The following CDH13 variants were observed in gnomAD, a reference collection of about 807,000 sequenced individuals.
CDH13 encodes the protein cadherin-13.
A neutral mutation model predicts 63.8 loss-of-function variants in CDH13; 24 were observed. That is an observed-to-expected ratio of 0.38 (90% CI 0.27 to 0.53). CDH13 has a LOEUF of 0.53. Ranked by LOEUF, CDH13 falls within the 20% of genes least tolerant of loss-of-function variation. The pLI, the probability that CDH13 is intolerant of heterozygous loss-of-function variation, is 0.85. For missense variants in CDH13, 1,049 were observed against 903.1 expected (o/e 1.16, Z -2.07); for synonymous variants, 503 against 355.3 (o/e 1.42, Z -4.67).
intron 1 of CDH13, among the ~76,000 whole-genome samples, chr16:82,758,280 G>A (rs567833506): frequency 2.7e-4 from 41 of 152,208 alleles, no homozygotes; most frequent in Admixed American, 8.5e-4. Context: ...AAGTAAGGGT[G>A]ATGAGAATCT....
At chr16:83,253,775 A>G (rs1905877379) in intron 5 of CDH13, among the ~76,000 whole-genome samples, 1 of 152,178 alleles carries the variant, frequency 6.6e-6, no homozygotes, top group Admixed American at 6.5e-5. Flanking sequence ...TTTCACTTAG[A>G]TTTGTCATTA....
chr16:83,747,596 C>G (rs920302364), intron 10 of CDH13, among the ~76,000 whole-genome samples: 3 of 121,086 alleles, frequency 2.5e-5, no homozygotes, highest in African/African-American at 2.6e-5. Context: ...TGTCCTCTCA[C>G]TCTCTGATGA....
chr16:83,503,283 G>A (rs886829734), intron 7 of CDH13, among the ~76,000 whole-genome samples: 3 of 152,172 alleles, frequency 2.0e-5, no homozygotes, highest in Admixed American at 6.5e-5. Context: ...AGACCAAACC[G>A]TAGGTTTCAT....
At chr16:83,000,373 C>G (rs375926847) in intron 2 of CDH13, among the ~76,000 whole-genome samples, 2 of 149,296 alleles carry the variant, frequency 1.3e-5, no homozygotes, top group East Asian at 4.0e-4. Context: ...CTCAGCCTCG[C>G]GAGTAGCTGG....
At chr16:82,747,161 C>G (rs1270777464) in intron 1 of CDH13, among the ~76,000 whole-genome samples, 2 of 152,218 alleles carry the variant, frequency 1.3e-5, no homozygotes, top group East Asian at 3.9e-4. Context: ...TGATGACTGC[C>G]CTGCCCTTAG....
intron 4 of CDH13, among the ~76,000 whole-genome samples, chr16:83,172,626 A>C (rs2037969960): frequency 6.6e-6 from 1 of 152,106 alleles, no homozygotes; most frequent in South Asian, 2.1e-4. Context: ...ACAGGCTTGG[A>C]ACAGATTCCT....
At chr16:82,996,641 A>T (rs1475738216) in intron 2 of CDH13, among the ~76,000 whole-genome samples, 1 of 152,214 alleles carries the variant, frequency 6.6e-6, no homozygotes, top group Non-Finnish European at 1.5e-5. Context: ...CCTTGTAATA[A>T]AAATGAGGTA....
At chr16:83,299,921 A>G (rs1017548199) in intron 5 of CDH13, among the ~76,000 whole-genome samples, 2 of 152,186 alleles carry the variant, frequency 1.3e-5, no homozygotes, top group Admixed American at 1.3e-4. Context: ...CAGGGCTACA[A>G]TCATCCCAAA....
chr16:83,311,832 T>C lies in CDH13; in HGVS notation c.637-33030T>C, dbSNP rs943909404. Among the ~76,000 whole-genome samples the C allele has an allele frequency of 4.6e-5, 7 of 152,254 alleles. 1 individual carries two copies. The South Asian group carries it at 1.2e-3, about 27-fold the overall frequency. On this transcript the variant is annotated intron_variant, in intron 5 of 13. Transcript: ENST00000567109. ...GCTCACGCCTGTAATCCCAGCACTT[T>C]GGGAGGCCAAGGCGGGTGGATCACC...
rs116385129 is a variant in CDH13, at chr16:82,661,051, G to A, written c.45+33914G>A. Among the ~76,000 whole-genome samples the A allele has an allele frequency of 2.8e-3, 431 of 152,300 alleles. 1 individual carries two copies. The highest frequency in any genetic ancestry group is 0.01 in the African/African-American group (416 of 41,568). ...CCACTTCAAAGTGGGTCAGGTCTCCGTGAAGGAAAGGGGCTCTTGAGAGAG... is the reference window on the plus strand; with the variant it reads ...CCACTTCAAAGTGGGTCAGGTCTCCATGAAGGAAAGGGGCTCTTGAGAGAG... On this transcript the variant is annotated intron_variant, in intron 1 of 13. Coordinates refer to ENST00000567109, the MANE Select transcript of CDH13 (RefSeq NM_001257.5).
At chr16:82,864,488 A>C (rs778085182) in intron 2 of CDH13, among the ~76,000 whole-genome samples, 9 of 152,144 alleles carry the variant, frequency 5.9e-5, no homozygotes, top group Non-Finnish European at 1.3e-4. Context: ...CCTTCTTCAG[A>C]AGGTGGCAGG....
At chr16:83,619,116 G>A (rs1019417875) in intron 8 of CDH13, among the ~76,000 whole-genome samples, 5 of 152,284 alleles carry the variant, frequency 3.3e-5, no homozygotes, top group South Asian at 2.1e-4. Context: ...TTATGCTGTC[G>A]CTTTCCAAAG....
At chr16:82,682,421 G>C (rs959889246) in intron 1 of CDH13, among the ~76,000 whole-genome samples, 2 of 152,190 alleles carry the variant, frequency 1.3e-5, no homozygotes, top group African/African-American at 4.8e-5. Context: ...ACCTATTGGA[G>C]GCAGGCACTG....
intron 2 of CDH13, among the ~76,000 whole-genome samples, chr16:82,868,295 C>G (rs997532559): frequency 6.6e-6 from 1 of 152,174 alleles, no homozygotes. Context: ...TTAAACAGAG[C>G]TCAGTAGAAA....
chr16:83,192,399 G>C (rs913970611), intron 4 of CDH13, among the ~76,000 whole-genome samples: 1 of 152,158 alleles, frequency 6.6e-6, no homozygotes, highest in Admixed American at 6.5e-5. Context: ...CAGAGTTGTG[G>C]CCTTTGGAAG....
chr16:83,593,972 T>C (rs1308590338), intron 7 of CDH13, among the ~76,000 whole-genome samples: 1 of 152,210 alleles, frequency 6.6e-6, no homozygotes, highest in Non-Finnish European at 1.5e-5. Context: ...AAGCACTGAT[T>C]ATCTCACAGT....
At chr16:83,299,019 A>G (rs1486946899) in intron 5 of CDH13, among the ~76,000 whole-genome samples, 1 of 152,208 alleles carries the variant, frequency 6.6e-6, no homozygotes. Flanking sequence ...AAAAATAACC[A>G]ATATTCCTAC....
At chr16:83,048,483 T>G (rs992603342) in intron 3 of CDH13, among the ~76,000 whole-genome samples, 3 of 152,192 alleles carry the variant, frequency 2.0e-5, no homozygotes, top group African/African-American at 7.2e-5. Context: ...TTTAATTTAT[T>G]GCTCTTCACC....
chr16:83,669,039 G>C (rs941211385), intron 8 of CDH13, among the ~76,000 whole-genome samples: 1 of 152,168 alleles, frequency 6.6e-6, no homozygotes, highest in Non-Finnish European at 1.5e-5. Flanking sequence ...GAATTATCTA[G>C]GCAGGTGAAT....
Sources: gnomAD v4.1 joint callset for allele counts (sites outside exome capture counted in the v4.1 genomes callset) on GRCh38, gnomAD v4.1.1 for gene constraint, MANE v1.5 for transcripts, NCBI Gene and HGNC (gene_info 2026-07-23, HGNC 2026-07-21) for gene names.